The following SHANK2 variants were observed in gnomAD, a reference collection of about 807,000 sequenced individuals.
The protein encoded by SHANK2 is SH3 and multiple ankyrin repeat domains 2.
Under a neutral mutation model 133.7 loss-of-function variants are expected in SHANK2, and 43 were observed. That is an observed-to-expected ratio of 0.32 (90% confidence interval 0.25 to 0.41). SHANK2 has a LOEUF of 0.41. Ranked by LOEUF, SHANK2 falls within the 10% of genes least tolerant of loss-of-function variation. SHANK2 has a pLI of 1.00. For missense variants in SHANK2, 1,994 were observed against 2,235.8 expected, an observed-to-expected ratio of 0.89 and a Z score of 2.18; for synonymous variants, 1,017 against 952.8, an observed-to-expected ratio of 1.07 and a Z score of -1.24.
chr11:70,687,994 G>C (rs1376323692), intron 15 of SHANK2, among the ~76,000 whole-genome samples: 15 of 152,244 alleles, frequency 9.9e-5, no homozygotes, highest in African/African-American at 3.1e-4. Context: ...GAGGAACTCA[G>C]CTCCCAGCCC....
At chr11:70,809,347 G>T (rs1444875173) in intron 12 of SHANK2, among the ~76,000 whole-genome samples, 1 of 152,210 alleles carries the variant, frequency 6.6e-6, no homozygotes, top group Non-Finnish European at 1.5e-5. Context: ...AAGGGCCCAT[G>T]CACACAGGGA....
chr11:70,936,655 C>G (rs188972756), intron 10 of SHANK2, among the ~76,000 whole-genome samples: 1 of 152,306 alleles, frequency 6.6e-6, no homozygotes, highest in Admixed American at 6.5e-5. Context: ...CTCTGAAGAT[C>G]ATGTTAGCAA....
At chr11:70,809,282 C>T (rs1016216065) in intron 12 of SHANK2, among the ~76,000 whole-genome samples, 3 of 152,186 alleles carry the variant, frequency 2.0e-5, no homozygotes, top group Non-Finnish European at 4.4e-5. Context: ...ACTTTAGGTG[C>T]TGTGGCCTCT....
At chr11:70,561,583 C>A (rs1554980886) in intron 17 of SHANK2, among the ~76,000 whole-genome samples, 2 of 151,838 alleles carry the variant, frequency 1.3e-5, no homozygotes, top group Non-Finnish European at 2.9e-5. Context: ...GACTGGAGTG[C>A]CGTGGTGCAA....
At chr11:71,226,375 A>C (rs1216859146) in intron 1 of SHANK2, among the ~76,000 whole-genome samples, 4 of 152,208 alleles carry the variant, frequency 2.6e-5, no homozygotes, top group African/African-American at 9.6e-5. Context: ...AGGAGAGAGA[A>C]GAGAGGGAGG....
At chr11:70,546,014 G>C (rs1321456078) in intron 17 of SHANK2, among the ~76,000 whole-genome samples, 2 of 152,098 alleles carry the variant, frequency 1.3e-5, no homozygotes, top group Non-Finnish European at 2.9e-5. Flanking sequence ...GCAAATGGGG[G>C]GTGCAGAGCT....
At chr11:70,752,530 G>C (rs3017483) in intron 14 of SHANK2, among the ~76,000 whole-genome samples, 88,496 of 151,604 alleles carry the variant, frequency 0.58, 27,192 homozygotes, top group African/African-American at 0.79. Flanking sequence ...CACGGTGAAA[G>C]CCCGTCTCTA....
At chr11:70,695,759 GC>G (rs1945379287) in intron 15 of SHANK2, among the ~76,000 whole-genome samples, 1 of 152,196 alleles carries the variant, frequency 6.6e-6, no homozygotes, top group Non-Finnish European at 1.5e-5. Flanking sequence ...TATGAACAGG[GC>G]TGTGCTCCAT....
intron 17 of SHANK2, among the ~76,000 whole-genome samples, chr11:70,519,835 G>A (rs770049647): frequency 2.0e-4 from 31 of 151,490 alleles, no homozygotes; most frequent in Non-Finnish European, 3.1e-4. Flanking sequence ...TCCTGGGCTC[G>A]AGTGATTCTC....
At chr11:71,064,442 G>A (rs1462999954) in intron 9 of SHANK2, among the ~76,000 whole-genome samples, 1 of 152,168 alleles carries the variant, frequency 6.6e-6, no homozygotes, top group African/African-American at 2.4e-5. Context: ...GTGGGGCCAG[G>A]CAGCAGCAAG....
chr11:70,819,938 G>C lies in SHANK2; in HGVS notation c.1493+426C>G, dbSNP rs560374082. On this transcript the variant is annotated intron_variant, in intron 12 of 25. Transcript: ENST00000601538. ...ACGTGTGCACCCTCAATTTGGATAA[G>C]GTGTGTTTGCAGGCTTGCAAACATG... Among the ~76,000 whole-genome samples, 329 of 152,314 alleles carry C rather than the reference G, an allele frequency of 2.2e-3. 2 individuals carry two copies. Among genetic ancestry groups the C allele is most frequent in the Middle Eastern group, 0.014 (4 of 294 alleles).
intron 9 of SHANK2, among the ~76,000 whole-genome samples, chr11:71,073,611 G>T (rs966351834): frequency 0.018 from 2,807 of 152,178 alleles, 31 homozygotes; most frequent in Non-Finnish European, 0.03. Flanking sequence ...GGGACCACAG[G>T]CACATGCCAC....
intron 11 of SHANK2, among the ~76,000 whole-genome samples, chr11:70,867,091 G>T (rs1555069199): frequency 2.0e-5 from 3 of 150,484 alleles, no homozygotes; most frequent in Non-Finnish European, 4.4e-5. Context: ...TAGCCCAGAG[G>T]GATTTGAATC....
intron 11 of SHANK2, among the ~76,000 whole-genome samples, chr11:70,850,283 C>A (rs1169171527): frequency 2.6e-5 from 4 of 152,172 alleles, no homozygotes; most frequent in African/African-American, 9.7e-5. Flanking sequence ...CACAGCTGCA[C>A]CTGAAACTTG....
intron 25 of SHANK2, chr11:70,474,530 C>G (rs1378922643): frequency 6.6e-6 from 1 of 152,272 alleles, no homozygotes. Flanking sequence ...ACACACCACT[C>G]CCTCACGGGC....
intron 14 of SHANK2, among the ~76,000 whole-genome samples, chr11:70,703,367 G>A (rs1468451988): frequency 4.6e-5 from 7 of 152,224 alleles, no homozygotes; most frequent in African/African-American, 9.6e-5. Flanking sequence ...TGAGCGACCC[G>A]TGTAAATCCA....
chr11:70,898,939 G>T (rs182537177), intron 10 of SHANK2, among the ~76,000 whole-genome samples: 113 of 152,326 alleles, frequency 7.4e-4, no homozygotes, highest in African/African-American at 2.5e-3. Context: ...AAGACTATCG[G>T]ACTTAATGGA....
intron 11 of SHANK2, among the ~76,000 whole-genome samples, chr11:70,879,299 G>C (rs1555071969): frequency 6.6e-6 from 1 of 152,238 alleles, no homozygotes; most frequent in Non-Finnish European, 1.5e-5. Context: ...ATTAGAACCA[G>C]AATTAGAAAC....
intron 14 of SHANK2, among the ~76,000 whole-genome samples, chr11:70,751,550 A>G (rs1358299029): frequency 2.0e-5 from 3 of 152,236 alleles, no homozygotes; most frequent in African/African-American, 7.2e-5. Flanking sequence ...ATATGATACC[A>G]GAGAGCCTTT....
Sources: allele counts gnomAD v4.1 joint callset (sites outside exome capture counted in the v4.1 genomes callset), GRCh38; gene constraint gnomAD v4.1.1; transcripts MANE v1.5; gene names NCBI Gene and HGNC (gene_info 2026-07-23, HGNC 2026-07-21).